JADE3: variants seen among roughly 807,000 people sequenced by gnomAD.
JADE3 encodes jade family PHD finger 3, also known as protein Jade-3.
A neutral mutation model predicts 50.1 loss-of-function variants in JADE3; 2 were observed. That is an observed-to-expected ratio of 0.04 (90% CI 0.02 to 0.13). JADE3 has a LOEUF of 0.13. Among genes scored for constraint, JADE3 ranks in the 10% least tolerant of loss-of-function variants. The probability of loss-of-function intolerance (pLI) is 1.00; values close to 1 mark genes in which losing one functional copy is unlikely to be tolerated. For missense variants in JADE3, 475 were observed against 634.4 expected (o/e 0.75, Z 2.70); for synonymous variants, 218 against 232.9 (o/e 0.94, Z 0.58).
rs782818288 is a variant in JADE3, at chrX:46,974,457, T to C, written c.-11-10427T>C. 2.1e-4 allele frequency among the ~76,000 whole-genome samples: 23 copies of C among 111,487 alleles called. No individual in the cohort carries two copies. In the East Asian group the frequency reaches 6.2e-3, roughly 30 times the overall value. On this transcript the variant is annotated intron_variant, in intron 1 of 10. Transcript: ENST00000614628. ...GACCACATGGGCAGGAATTCACCCTTCGGGATATAAGAAACATGCTGCTCT... is the reference window on the plus strand; with the variant it reads ...GACCACATGGGCAGGAATTCACCCTCCGGGATATAAGAAACATGCTGCTCT...
At chrX:47,030,774 G>A (rs1229319904) in intron 6 of JADE3, among the ~76,000 whole-genome samples, 2 of 111,602 alleles carry the variant, frequency 1.8e-5, no homozygotes, top group Admixed American at 9.5e-5. Flanking sequence ...AAGTTGGGCC[G>A]GGCATGGTGG....
intron 7 of JADE3, among the ~76,000 whole-genome samples, chrX:47,035,191 C>T (rs1929107962): frequency 9.0e-6 from 1 of 111,073 alleles, no homozygotes; most frequent in Non-Finnish European, 1.9e-5. Flanking sequence ...GGCAGTTTAA[C>T]TGCATGACAA....
At chrX:47,056,981 G>A (rs1929643970) in intron 10 of JADE3, among the ~76,000 whole-genome samples, 1 of 112,106 alleles carries the variant, frequency 8.9e-6, no homozygotes, top group Non-Finnish European at 1.9e-5. Context: ...ACAGGTGGGT[G>A]TCAGAGGCCT....
chrX:47,020,743 CAG>C (rs1281990020), intron 4 of JADE3, among the ~76,000 whole-genome samples: 1 of 112,302 alleles, frequency 8.9e-6, no homozygotes, highest in Non-Finnish European at 1.9e-5. Context: ...AATATCCACA[CAG>C]AAAAGTACAC....
intron 7 of JADE3, among the ~76,000 whole-genome samples, chrX:47,036,360 C>G (rs1569538298): frequency 9.0e-6 from 1 of 110,887 alleles, no homozygotes; most frequent in East Asian, 2.8e-4. Context: ...TGAAAAAATG[C>G]TCATCATCAC....
chrX:46,947,908 C>T (rs1556343882), intron 1 of JADE3, among the ~76,000 whole-genome samples: 1 of 111,065 alleles, frequency 9.0e-6, no homozygotes, highest in African/African-American at 3.3e-5. Flanking sequence ...TGTTATACAA[C>T]CTGTTACTCT....
At chrX:47,042,823 A>G (rs1004847087) in intron 8 of JADE3, among the ~76,000 whole-genome samples, 4 of 111,393 alleles carry the variant, frequency 3.6e-5, no homozygotes, top group African/African-American at 9.8e-5. Flanking sequence ...TTTGCCACCT[A>G]CTGATTGTAG....
intron 1 of JADE3, among the ~76,000 whole-genome samples, chrX:46,950,888 C>A (rs1926986916): frequency 9.1e-6 from 1 of 109,550 alleles, no homozygotes; most frequent in South Asian, 3.9e-4. Flanking sequence ...TTATTTTTTT[C>A]TAGTTCTATT....
chrX:47,057,413 A>C (rs1167496564), intron 10 of JADE3, among the ~76,000 whole-genome samples: 2 of 111,713 alleles, frequency 1.8e-5, no homozygotes, highest in Admixed American at 9.6e-5. Context: ...TAATAGAAGA[A>C]GACCTGCTCT....
chrX:46,928,559 T>C (rs1170229242), intron 1 of JADE3, among the ~76,000 whole-genome samples: 2 of 111,774 alleles, frequency 1.8e-5, no homozygotes, highest in Non-Finnish European at 3.8e-5. Context: ...TAAAAAAAAA[T>C]TACATGTAAC....
chrX:46,917,858 CCT>C (rs150958785), intron 1 of JADE3, among the ~76,000 whole-genome samples: 442 of 22,757 alleles, frequency 0.019, 11 homozygotes, highest in Middle Eastern at 0.087. Context: ...TCTCTCTCAT[CCT>C]CTCTCTCTCT....
chrX:47,024,955 G>GTTT, intron 5 of JADE3, 41 bp downstream of exon 5: 1 of 715,284 alleles, frequency 1.4e-6, no homozygotes, highest in Non-Finnish European at 2.0e-6. Context: ...CTTAATTCAT[G>GTTT]TTTTTTTTTT....
At chrX:47,036,358 T>C (rs2146981290) in intron 7 of JADE3, among the ~76,000 whole-genome samples, 1 of 110,587 alleles carries the variant, frequency 9.0e-6, no homozygotes, top group South Asian at 3.8e-4. Flanking sequence ...CATGAAAAAA[T>C]GCTCATCATC....
chrX:46,972,976 C>A (rs1372854803), intron 1 of JADE3, among the ~76,000 whole-genome samples: 1 of 112,373 alleles, frequency 8.9e-6, no homozygotes, highest in African/African-American at 3.2e-5. Context: ...GCTACAATGG[C>A]AGATTTGAGT....
intron 3 of JADE3, among the ~76,000 whole-genome samples, chrX:46,995,608 A>G (rs961111053): frequency 8.9e-6 from 1 of 112,140 alleles, no homozygotes; most frequent in African/African-American, 3.2e-5. Context: ...GGGATTTGCT[A>G]TAGTTATTTT....
intron 6 of JADE3, among the ~76,000 whole-genome samples, chrX:47,031,967 G>C (rs1169873089): frequency 8.9e-6 from 1 of 111,824 alleles, no homozygotes; most frequent in African/African-American, 3.3e-5. Flanking sequence ...TGGGACAAAC[G>C]CAAGGGGCTA....
At chrX:47,018,505 T>G (rs1556363584) in intron 4 of JADE3, among the ~76,000 whole-genome samples, 1 of 110,244 alleles carries the variant, frequency 9.1e-6, no homozygotes, top group African/African-American at 3.3e-5. Flanking sequence ...AGCTAATTTT[T>G]TGTATTTTTT....
chrX:46,991,063 T>TC (rs782025114), intron 3 of JADE3, among the ~76,000 whole-genome samples: 2 of 217 alleles, frequency 9.2e-3, no homozygotes, highest in Non-Finnish European at 0.012. Context: ...CCTCCCTCAC[T>TC]CCCTCCCTCC....
chrX:46,928,242 A>G (rs970285223), intron 1 of JADE3, among the ~76,000 whole-genome samples: 11 of 111,850 alleles, frequency 9.8e-5, no homozygotes, highest in African/African-American at 2.9e-4. Context: ...GCCTGGGCCA[A>G]TTCTTCCAAA....
Sources: gnomAD v4.1 joint callset for allele counts (sites outside exome capture counted in the v4.1 genomes callset) on GRCh38, gnomAD v4.1.1 for gene constraint, MANE v1.5 for transcripts, NCBI Gene and HGNC (gene_info 2026-07-23, HGNC 2026-07-21) for gene names.